The following PKHD1 variants were observed in gnomAD, a reference collection of about 807,000 sequenced individuals.
The protein encoded by PKHD1 is PKHD1 ciliary IPT domain containing fibrocystin/polyductin, also known as fibrocystin.
In PKHD1, 291 loss-of-function variants were observed where a neutral mutation model predicts 412.0. That is an observed-to-expected ratio of 0.71 (90% CI 0.64 to 0.78). PKHD1 has a LOEUF of 0.78. PKHD1 is among the 30% of genes least tolerant of loss of function. PKHD1 has a pLI of 0.00. For synonymous variants in PKHD1, 1,777 were observed against 1,821.5 expected, an observed-to-expected ratio of 0.98 and a Z score of 0.62; for missense variants, 4,825 against 4,950.7, an observed-to-expected ratio of 0.97 and a Z score of 0.76.
chr6:51,874,423 A>G (rs1327160261), intron 46 of PKHD1, among the ~76,000 whole-genome samples: 1 of 152,166 alleles, frequency 6.6e-6, no homozygotes, highest in Non-Finnish European at 1.5e-5. Flanking sequence ...TCGTACTGAA[A>G]ATTATTCTAT....
chr6:51,989,228 G>GA (rs1171927267), intron 35 of PKHD1, among the ~76,000 whole-genome samples: 1 of 152,090 alleles, frequency 6.6e-6, no homozygotes, highest in African/African-American at 2.4e-5. Context: ...CAAATAAAAA[G>GA]AAAAAACTTA....
chr6:51,941,357 G>A (rs576886339), intron 36 of PKHD1, among the ~76,000 whole-genome samples: 2,008 of 140,244 alleles, frequency 0.014, 50 homozygotes, highest in African/African-American at 0.049. Context: ...CCGGGTTCAC[G>A]CCATTCTCCT....
chr6:51,727,953 A>T (rs1782781061), intron 60 of PKHD1, among the ~76,000 whole-genome samples: 1 of 152,162 alleles, frequency 6.6e-6, no homozygotes, highest in Non-Finnish European at 1.5e-5. Flanking sequence ...CTAACAACCT[A>T]TAACACATCT....
At chr6:52,057,628 G>C (rs2128210822) in intron 16 of PKHD1, among the ~76,000 whole-genome samples, 1 of 152,284 alleles carries the variant, frequency 6.6e-6, no homozygotes, top group African/African-American at 2.4e-5. Context: ...TGTTGGCCAG[G>C]ATGGTCTCGA....
chr6:51,965,912 A>G (rs1244555580), intron 35 of PKHD1, among the ~76,000 whole-genome samples: 1 of 152,040 alleles, frequency 6.6e-6, no homozygotes, highest in African/African-American at 2.4e-5. Flanking sequence ...CGTTTCCTCT[A>G]TTTGAATCTT....
Position 51,847,937 on chromosome 6 carries a change from TA to T in PKHD1, c.7944del (p.Asn2649IlefsTer18). 6.2e-7 allele frequency: 1 copy of T among 1,613,948 alleles called. No homozygotes were observed. The highest frequency in any genetic ancestry group is 8.5e-7 in the Non-Finnish European group (1 of 1,179,896). On this transcript the variant is annotated frameshift_variant, in exon 50 of 67. Transcript: ENST00000371117. LOFTEE classifies it high-confidence loss of function. ...TCTGTGTGCACCAGCAGTAGGTAATTACCAGGAGCAAAGTTGTCAAAGGTTG... is the reference window on the plus strand; with the variant it reads ...TCTGTGTGCACCAGCAGTAGGTAATTCCAGGAGCAAAGTTGTCAAAGGTTG... The part of the protein sequence containing the change: ...YSATFDNFAP[G>X]NYLLLVHTDL...
intron 35 of PKHD1, among the ~76,000 whole-genome samples, chr6:51,969,558 C>T (rs1166391410): frequency 2.0e-5 from 3 of 152,076 alleles, no homozygotes; most frequent in Non-Finnish European, 4.4e-5. Flanking sequence ...TTCTTTCCAC[C>T]CTCCCACCCT....
chr6:51,676,454 C>T (rs1043358133), intron 60 of PKHD1, among the ~76,000 whole-genome samples: 27 of 151,984 alleles, frequency 1.8e-4, no homozygotes, highest in African/African-American at 6.5e-4. Context: ...CACCATTTCC[C>T]TCAATAATTT....
At chr6:51,793,777 T>C (rs1461739939) in intron 52 of PKHD1, among the ~76,000 whole-genome samples, 4 of 152,232 alleles carry the variant, frequency 2.6e-5, no homozygotes, top group Admixed American at 1.3e-4. Flanking sequence ...CTATCATTGA[T>C]GGACATTTAA....
chr6:51,648,135 G>C lies in PKHD1; in HGVS notation c.11311-17C>G, dbSNP rs372750244. On this transcript the variant is annotated splice_polypyrimidine_tract_variant and intron_variant, in intron 62 of 66. Coordinates refer to ENST00000371117, the MANE Select transcript of PKHD1 (RefSeq NM_138694.4). ...TCTTCGATTCTAGAAATGGGAATAG[G>C]AGGAGGGAGGAAGAAAAAGTTGGAT... 2.9e-6 allele frequency: 4 copies of C among 1,386,924 alleles called. No homozygotes were observed. Among genetic ancestry groups the C allele is most frequent in the Non-Finnish European group, 4.1e-6 (4 of 972,794 alleles). 85.9% of individuals were successfully genotyped at this position (1,386,924 alleles called of 1,614,324 possible).
At chr6:51,733,910 G>A (rs1224724801) in intron 60 of PKHD1, among the ~76,000 whole-genome samples, 2 of 152,178 alleles carry the variant, frequency 1.3e-5, no homozygotes, top group African/African-American at 4.8e-5. Context: ...CACTTCCTGG[G>A]AAAATGAAAG....
intron 60 of PKHD1, among the ~76,000 whole-genome samples, chr6:51,681,535 G>A (rs766948505): frequency 4.6e-5 from 7 of 151,948 alleles, no homozygotes; most frequent in Non-Finnish European, 7.4e-5. Flanking sequence ...GAAAATAACT[G>A]CTCAGCTATT....
intron 2 of PKHD1, 106 bp from the exon 3 acceptor site, chr6:52,083,361 G>A (rs1812316264): frequency 1.3e-6 from 1 of 778,030 alleles, no homozygotes; most frequent in South Asian, 1.4e-5. Flanking sequence ...CACCAGAAAG[G>A]CTTGATTAAG....
At chr6:51,944,237 C>G (rs1028049333) in intron 36 of PKHD1, among the ~76,000 whole-genome samples, 10 of 151,836 alleles carry the variant, frequency 6.6e-5, no homozygotes, top group African/African-American at 1.7e-4. Flanking sequence ...ACTTTGTGAC[C>G]CCCACTCCTA....
chr6:51,837,148 C>A (rs1769374861), intron 50 of PKHD1, among the ~76,000 whole-genome samples: 2 of 152,194 alleles, frequency 1.3e-5, no homozygotes, highest in African/African-American at 4.8e-5. Context: ...AATGCATCTA[C>A]AAGGTGCTCT....
At chr6:52,071,578 T>C (rs551962578) in intron 8 of PKHD1, among the ~76,000 whole-genome samples, 1 of 152,128 alleles carries the variant, frequency 6.6e-6, no homozygotes, top group African/African-American at 2.4e-5. Context: ...ACATTGGGTA[T>C]TTAAACTGGA....
chr6:52,072,295 C>T lies in PKHD1; in HGVS notation c.528-106G>A, dbSNP rs969401321. On this transcript the variant is annotated intron_variant, in intron 7 of 66. Transcript: ENST00000371117. ...AGGAAACATGGCTATGAACACTCTC[C>T]TCTGGATTTTTCTGCACTATTGCAG... 2.2e-5 allele frequency: 17 copies of T among 776,664 alleles called. No homozygotes were observed. The African/African-American group carries it at 2.2e-4, about 10-fold the overall frequency. 48.1% of individuals were successfully genotyped at this position (776,664 alleles called of 1,614,324 possible). A position where few individuals can be genotyped will look rare whatever the true frequency, so the allele number is the denominator to read the frequency against.
In PKHD1 at chr6:51,791,364, A is replaced by G. The variant is rs1793719203; in HGVS notation, c.8312T>C (p.Val2771Ala). The change falls in exon 53 of 67, where the codon GTC becomes GCC. Residue 2771 changes from valine (V) to alanine (A), a missense_variant. Val to Ala is a moderately conservative substitution (Grantham distance 64). Coordinates refer to ENST00000371117, the MANE Select transcript of PKHD1 (RefSeq NM_138694.4). ...GAATGGAAGATCTGTATCCACAAGG[A>G]CAGTTCTGTCTGTGGAAGAAAAAGA... is the stretch of plus-strand genomic sequence containing the variant. ...DDVLILPNRT[V>A]LVDTDLPFFK... 6.2e-7 allele frequency: 1 copy of G among 1,613,806 alleles called. No homozygotes were observed.
intron 5 of PKHD1, among the ~76,000 whole-genome samples, chr6:52,077,140 C>T (rs1051770884): frequency 1.3e-5 from 2 of 152,138 alleles, no homozygotes; most frequent in African/African-American, 4.8e-5. Context: ...ATGCAGACGA[C>T]ATTCGAATTT....
Sources: allele counts gnomAD v4.1 joint callset (sites outside exome capture counted in the v4.1 genomes callset), GRCh38; gene constraint gnomAD v4.1.1; transcripts MANE v1.5; gene names NCBI Gene and HGNC (gene_info 2026-07-23, HGNC 2026-07-21).